Variants in PPP1R9A observed in about 807,000 individuals in gnomAD.
PPP1R9A encodes neurabin-1.
PPP1R9A carries 59 observed loss-of-function variants against 141.9 expected under a neutral mutation model. The ratio of observed to expected loss-of-function variants is 0.42; its 90% CI spans 0.34 to 0.52. The LOEUF (loss-of-function observed/expected upper bound fraction) is 0.52. Ranked by LOEUF, PPP1R9A falls within the 20% of genes least tolerant of loss-of-function variation. The pLI is 0.10. For missense variants in PPP1R9A, 1,444 were observed against 1,611.9 expected (o/e 0.90, Z 1.78); for synonymous variants, 500 against 569.7 (o/e 0.88, Z 1.74).
chr7:95,262,783 T>C (rs893826558), intron 12 of PPP1R9A, among the ~76,000 whole-genome samples: 24 of 152,214 alleles, frequency 1.6e-4, no homozygotes, highest in African/African-American at 5.1e-4. Flanking sequence ...AAAAGGGATT[T>C]CTTAATATTC....
chr7:95,210,431 G>C (rs778607967), intron 7 of PPP1R9A, among the ~76,000 whole-genome samples: 3 of 151,830 alleles, frequency 2.0e-5, no homozygotes, highest in Non-Finnish European at 4.4e-5. Flanking sequence ...ATTTTCTGTA[G>C]CACAAGCAGC....
chr7:94,958,716 T>C (rs1425308344), intron 2 of PPP1R9A, among the ~76,000 whole-genome samples: 2 of 152,012 alleles, frequency 1.3e-5, no homozygotes, highest in Non-Finnish European at 2.9e-5. Flanking sequence ...TCTTGTTACA[T>C]TGATTATATA....
chr7:94,907,554 C>T (rs1350357192), upstream of PPP1R9A: 1 of 152,148 alleles, frequency 6.6e-6, no homozygotes, highest in Non-Finnish European at 1.5e-5. Context: ...GGCCCCTCGC[C>T]CACGGCCGAG....
intron 2 of PPP1R9A, among the ~76,000 whole-genome samples, chr7:95,054,888 A>G (rs1225396375): frequency 6.6e-6 from 1 of 152,214 alleles, no homozygotes; most frequent in African/African-American, 2.4e-5. Flanking sequence ...TCCAGTGCTT[A>G]GCACAGGGCC....
intron 2 of PPP1R9A, among the ~76,000 whole-genome samples, chr7:94,922,717 A>G (rs1217937697): frequency 6.6e-6 from 1 of 152,208 alleles, no homozygotes; most frequent in African/African-American, 2.4e-5. Context: ...GATTAAAAAC[A>G]CATACATCAA....
chr7:95,045,331 C>T (rs760396615), intron 2 of PPP1R9A, among the ~76,000 whole-genome samples: 11 of 152,130 alleles, frequency 7.2e-5, no homozygotes, highest in East Asian at 1.9e-4. Context: ...TCAATGGTGG[C>T]GTATGACCTT....
At chr7:94,934,763 G>A (rs891876083) in intron 2 of PPP1R9A, among the ~76,000 whole-genome samples, 4 of 147,088 alleles carry the variant, frequency 2.7e-5, no homozygotes, top group Admixed American at 6.9e-5. Flanking sequence ...ATATATATGT[G>A]TATATATTTG....
chr7:95,034,926 GTTAA>G (rs558621461), intron 2 of PPP1R9A, among the ~76,000 whole-genome samples: 47 of 152,186 alleles, frequency 3.1e-4, no homozygotes, highest in Admixed American at 5.2e-4. Flanking sequence ...ATGCAGGGAT[GTTAA>G]TTAATTTGCA....
intron 2 of PPP1R9A, among the ~76,000 whole-genome samples, chr7:95,066,030 C>G (rs1299907943): frequency 6.6e-6 from 1 of 152,134 alleles, no homozygotes; most frequent in Non-Finnish European, 1.5e-5. Flanking sequence ...CAAATTGTGT[C>G]CCTACCCCCA....
At chr7:95,199,033 A>G (rs1788943502) in intron 6 of PPP1R9A, among the ~76,000 whole-genome samples, 2 of 152,220 alleles carry the variant, frequency 1.3e-5, no homozygotes, top group Admixed American at 1.3e-4. Flanking sequence ...AAAGCTTTCC[A>G]CTAGCACATG....
chr7:95,231,993 C>T (rs541186221), intron 8 of PPP1R9A, among the ~76,000 whole-genome samples: 14 of 151,982 alleles, frequency 9.2e-5, no homozygotes, highest in Non-Finnish European at 1.6e-4. Context: ...AGATCTCTAG[C>T]GAGATTAACC....
At chr7:94,997,932 C>T (rs145735290) in intron 2 of PPP1R9A, among the ~76,000 whole-genome samples, 1 of 152,142 alleles carries the variant, frequency 6.6e-6, no homozygotes, top group African/African-American at 2.4e-5. Context: ...TTTTCCTTCA[C>T]TCATGGATCA....
In PPP1R9A at chr7:94,911,150, A is replaced by G; in HGVS notation, c.1037A>G (p.Asp346Gly). 3.1e-6 allele frequency: 5 copies of G among 1,614,228 alleles called. No individual in the cohort carries two copies. The highest frequency in any genetic ancestry group is 4.2e-6 in the Non-Finnish European group (5 of 1,180,032). Reference sequence around the variant, plus strand: ...TCACCACAAAGCCAACTGTTAGAAGATGCTGAAGCTAATTTGGTTGGAAGG... The same window carrying G: ...TCACCACAAAGCCAACTGTTAGAAGGTGCTGAAGCTAATTTGGTTGGAAGG... ...IPSPQSQLLE[D>G]AEANLVGREA... Residue 346 changes from aspartate (D) to glycine (G), a missense_variant, in exon 2 of 20, where the codon GAT becomes GGT. Around this residue, in one of 5 missense-constraint regions of PPP1R9A, gnomAD observed 490 missense variants for 521.1 expected, o/e 0.94. Coordinates refer to ENST00000433360, the MANE Select transcript of PPP1R9A (RefSeq NM_001166160.2).
At chr7:95,217,188 AT>A (rs1793589388) in intron 7 of PPP1R9A, among the ~76,000 whole-genome samples, 1 of 152,116 alleles carries the variant, frequency 6.6e-6, no homozygotes, top group African/African-American at 2.4e-5. Flanking sequence ...GCGCTGTTGA[AT>A]TTTGTCAAAG....
At chr7:95,035,941 G>A (rs1022860497) in intron 2 of PPP1R9A, 12 of 152,154 alleles carry the variant, frequency 7.9e-5, no homozygotes, top group African/African-American at 2.4e-4. Flanking sequence ...AGGCCAATAA[G>A]ATGATAGCTG....
At chr7:95,054,040 A>C (rs180763758) in intron 2 of PPP1R9A, among the ~76,000 whole-genome samples, 1 of 152,106 alleles carries the variant, frequency 6.6e-6, no homozygotes, top group East Asian at 1.9e-4. Flanking sequence ...ACAGAGAAGC[A>C]TGACATTTTA....
At chr7:95,125,644 G>A (rs1823428752) in intron 4 of PPP1R9A, among the ~76,000 whole-genome samples, 1 of 152,106 alleles carries the variant, frequency 6.6e-6, no homozygotes, top group Non-Finnish European at 1.5e-5. Flanking sequence ...CTAAATTAGA[G>A]GCAAATTAAA....
At chr7:94,927,772 G>A (rs1388069938) in intron 2 of PPP1R9A, among the ~76,000 whole-genome samples, 3 of 152,138 alleles carry the variant, frequency 2.0e-5, no homozygotes, top group Non-Finnish European at 4.4e-5. Context: ...TATACATAGG[G>A]TGACCATATA....
intron 2 of PPP1R9A, among the ~76,000 whole-genome samples, chr7:94,961,882 A>AT (rs1797683226): frequency 1.3e-5 from 2 of 151,906 alleles, no homozygotes; most frequent in Admixed American, 6.6e-5. Flanking sequence ...ATTTTGCCTT[A>AT]TTTTTTTAAT....
Sources: allele counts gnomAD v4.1 joint callset (sites outside exome capture counted in the v4.1 genomes callset), GRCh38; gene constraint gnomAD v4.1.1; regional missense constraint gnomAD v4.1.1; transcripts MANE v1.5; gene names NCBI Gene and HGNC (gene_info 2026-07-23, HGNC 2026-07-21).